Variants in RANBP17 observed in about 807,000 individuals in gnomAD.
RANBP17 encodes the protein ran-binding protein 17.
Under a neutral mutation model 141.2 loss-of-function variants are expected in RANBP17, and 158 were observed. The ratio of observed to expected loss-of-function variants is 1.12; its 90% confidence interval spans 0.98 to 1.28. The LOEUF is 1.28. Among genes scored for constraint, RANBP17 ranks in the 50% most tolerant of loss-of-function variants. The pLI, the probability that RANBP17 is intolerant of heterozygous loss-of-function variation, is 0.00. For synonymous variants in RANBP17, 430 were observed against 450.0 expected (o/e 0.96, Z 0.56); for missense variants, 1,438 against 1,290.7 (o/e 1.11, Z -1.75).
intron 12 of RANBP17, chr5:170,924,783 A>G (rs965546672): frequency 8.7e-6 from 3 of 344,816 alleles, no homozygotes; most frequent in Non-Finnish European, 1.6e-5. Context: ...TCTGGAATCA[A>G]TATGAAGAAA....
intron 14 of RANBP17, among the ~76,000 whole-genome samples, chr5:171,088,751 G>T (rs980102536): frequency 2.6e-5 from 4 of 151,914 alleles, no homozygotes; most frequent in African/African-American, 9.7e-5. Flanking sequence ...CCAGTTGATC[G>T]CATCGGCTCC....
chr5:170,862,995 T>G (rs1252902202), intron 1 of RANBP17, among the ~76,000 whole-genome samples: 1 of 152,160 alleles, frequency 6.6e-6, no homozygotes, highest in Non-Finnish European at 1.5e-5. Context: ...AGCTGAGAGA[T>G]GCTTTAAGAT....
chr5:170,957,872 A>G (rs1226553036), intron 13 of RANBP17, among the ~76,000 whole-genome samples: 1 of 152,206 alleles, frequency 6.6e-6, no homozygotes, highest in Non-Finnish European at 1.5e-5. Context: ...AGAAATACAC[A>G]TGAAACAAGA....
At chr5:170,919,190 CTG>C in intron 10 of RANBP17, among the ~76,000 whole-genome samples, 1 of 151,788 alleles carries the variant, frequency 6.6e-6, no homozygotes, top group East Asian at 1.9e-4. Context: ...GATGTCAACT[CTG>C]AAAAATATTC....
chr5:171,251,899 G>C, intron 24 of RANBP17: 2 of 1,562,780 alleles, frequency 1.3e-6, no homozygotes, highest in African/African-American at 1.4e-5. Context: ...GATTGGTCCA[G>C]AACAGTTTCC....
At chr5:170,892,933 G>A (rs922801949) in intron 4 of RANBP17, among the ~76,000 whole-genome samples, 2 of 151,450 alleles carry the variant, frequency 1.3e-5, no homozygotes, top group Admixed American at 1.3e-4. Context: ...GCTTAGAGGG[G>A]TTAAATAATT....
chr5:171,233,419 G>A (rs1034835059), intron 22 of RANBP17, among the ~76,000 whole-genome samples: 1 of 152,088 alleles, frequency 6.6e-6, no homozygotes, highest in African/African-American at 2.4e-5. Flanking sequence ...CAAAGGCATC[G>A]AAAACTTACG....
intron 14 of RANBP17, among the ~76,000 whole-genome samples, chr5:170,984,332 A>T (rs1478241274): frequency 6.6e-6 from 1 of 152,150 alleles, no homozygotes; most frequent in East Asian, 1.9e-4. Context: ...TATTCTAACC[A>T]AAAGTGTGTT....
chr5:171,022,892 G>A (rs1561997357), intron 14 of RANBP17, among the ~76,000 whole-genome samples: 1 of 152,212 alleles, frequency 6.6e-6, no homozygotes, highest in Non-Finnish European at 1.5e-5. Context: ...CTGGGGTTGG[G>A]ATGCTAGCCC....
intron 14 of RANBP17, among the ~76,000 whole-genome samples, chr5:171,131,921 A>G (rs1295238769): frequency 2.0e-5 from 3 of 152,202 alleles, no homozygotes; most frequent in Non-Finnish European, 4.4e-5. Context: ...AGTGCTTCCT[A>G]TAGCTCAGAT....
intron 14 of RANBP17, among the ~76,000 whole-genome samples, chr5:171,058,017 G>A (rs1783524712): frequency 6.6e-6 from 1 of 151,928 alleles, no homozygotes. Context: ...TTCATACAGG[G>A]ATTTCTAGCT....
At position 171,241,087 on chromosome 5, in the gene RANBP17, ATG is replaced by A; in HGVS notation, c.2584_2585del (p.Val862ThrfsTer15). On this transcript the variant is annotated frameshift_variant, in exon 23 of 28. Transcript: ENST00000523189. LOFTEE classifies it high-confidence loss of function. The stretch of plus-strand genomic sequence containing the variant: ...TTGTATGGGGACAACCATTTTGACA[ATG>A]TACTCCAGGCTTTTGTCAAAATGCT... 1 of 1,613,866 alleles carries A rather than the reference ATG, an allele frequency of 6.2e-7. No homozygotes were observed. Among genetic ancestry groups the A allele is most frequent in the Non-Finnish European group, 8.5e-7 (1 of 1,179,914 alleles).
In RANBP17 at chr5:171,174,751, AGTGTGTGTGTGT is replaced by A. The variant is rs57948503; in HGVS notation, c.1865+3496_1865+3507del. Among the ~76,000 whole-genome samples the A allele has an allele frequency of 2.5e-3, 344 of 135,714 alleles. 2 individuals are homozygous for A. Among genetic ancestry groups the A allele is most frequent in the Non-Finnish European group, 3.1e-3 (195 of 63,846 alleles). The allele number at this position is 135,714 out of a possible 152,430, so 89.0% of individuals were successfully genotyped here. ...ACATGAGAAAACTAAAAATATCTAGAGTGTGTGTGTGTGTGTGTGTGTGTGTGTGTGTGTGTG... is the reference window on the plus strand; with the variant it reads ...ACATGAGAAAACTAAAAATATCTAGAGTGTGTGTGTGTGTGTGTGTGTGTG... On this transcript the variant is annotated intron_variant, in intron 16 of 27. Transcript: ENST00000523189.
At chr5:170,892,080 G>GT (rs542385426) in intron 3 of RANBP17, among the ~76,000 whole-genome samples, 21 of 145,724 alleles carry the variant, frequency 1.4e-4, no homozygotes, top group Admixed American at 2.7e-4. Flanking sequence ...CTCTTTTTCT[G>GT]TTTTTTGTAA....
chr5:171,120,641 T>C (rs374338286), intron 14 of RANBP17, among the ~76,000 whole-genome samples: 13 of 152,388 alleles, frequency 8.5e-5, no homozygotes, highest in African/African-American at 3.1e-4. Flanking sequence ...TGTCTAGCTG[T>C]ATTCTCTTGT....
intron 21 of RANBP17, among the ~76,000 whole-genome samples, chr5:171,216,895 C>A (rs912516512): frequency 6.6e-6 from 1 of 152,138 alleles, no homozygotes; most frequent in African/African-American, 2.4e-5. Flanking sequence ...ATCTGAATAA[C>A]CTTTATTTCT....
intron 14 of RANBP17, among the ~76,000 whole-genome samples, chr5:171,133,641 A>G (rs1335951461): frequency 6.6e-6 from 1 of 152,242 alleles, no homozygotes; most frequent in Non-Finnish European, 1.5e-5. Flanking sequence ...TAGAATTGCT[A>G]AACCCATGTG....
At chr5:171,018,759 G>A (rs1276926289) in intron 14 of RANBP17, among the ~76,000 whole-genome samples, 1 of 152,064 alleles carries the variant, frequency 6.6e-6, no homozygotes, top group African/African-American at 2.4e-5. Flanking sequence ...TCTTTCCCTT[G>A]CCTGGTTGCC....
In RANBP17 at chr5:171,205,272, A is replaced by G. The variant is rs376368265; in HGVS notation, c.2143-252A>G. ...TTGGCATTATTCAGAAACAAAGTAT[A>G]TTAAGACTCTAAATGCTTAGCTACA... On this transcript the variant is annotated intron_variant, in intron 19 of 27. Transcript: ENST00000523189. Among the ~76,000 whole-genome samples the G allele has an allele frequency of 4.6e-5, 7 of 152,292 alleles. No individual in the cohort carries two copies. The South Asian group carries it at 1.2e-3, about 27-fold the overall frequency.
Sources: allele counts gnomAD v4.1 joint callset (sites outside exome capture counted in the v4.1 genomes callset), GRCh38; gene constraint gnomAD v4.1.1; transcripts MANE v1.5; gene names NCBI Gene and HGNC (gene_info 2026-07-23, HGNC 2026-07-21).